The following OSBPL1A variants were observed in gnomAD, a reference collection of about 807,000 sequenced individuals.
The protein encoded by OSBPL1A is oxysterol binding protein like 1A.
Under a neutral mutation model 137.1 loss-of-function variants are expected in OSBPL1A, and 80 were observed. The ratio of observed to expected loss-of-function variants is 0.58; its 90% confidence interval spans 0.49 to 0.70. The LOEUF is 0.70. OSBPL1A is among the 30% of genes least tolerant of loss of function. The pLI is 0.00. For missense variants in OSBPL1A, 970 were observed against 1,129.4 expected, an observed-to-expected ratio of 0.86 and a Z score of 2.02; for synonymous variants, 365 against 389.7, an observed-to-expected ratio of 0.94 and a Z score of 0.75.
intron 2 of OSBPL1A, among the ~76,000 whole-genome samples, chr18:24,376,705 C>T (rs113077109): frequency 0.045 from 6,856 of 152,344 alleles, 198 homozygotes; most frequent in African/African-American, 0.066. Flanking sequence ...TGGCCGACTG[C>T]AGGTCCTGAG....
intron 13 of OSBPL1A, among the ~76,000 whole-genome samples, chr18:24,307,092 CAA>C (rs373469036): frequency 1.2e-3 from 152 of 131,878 alleles, no homozygotes; most frequent in African/African-American, 3.1e-3. Flanking sequence ...CTAATCTCTA[CAA>C]AAAAAAAAAA....
chr18:24,288,819 AT>A (rs1301851253), intron 14 of OSBPL1A, among the ~76,000 whole-genome samples: 3 of 151,884 alleles, frequency 2.0e-5, no homozygotes, highest in African/African-American at 7.3e-5. Context: ...AGTTGTGGTA[AT>A]CAATGGGAAA....
Position 24,312,017 on chromosome 18 carries a change from C to T in OSBPL1A, c.1059G>A (p.Thr353=), listed in dbSNP as rs1359006482. ...ATTTCTTCAGGTCTGCAGCAGAAAC[C>T]GTATCTTCCTCCTCCTCATCAGTCA... The part of the protein sequence containing the change: ...DQLTDEEEED[T]VSAADLKKSL... Residue 353 remains threonine, a synonymous_variant, in exon 13 of 28, where the codon ACG becomes ACA. Transcript: ENST00000319481. The T allele has an allele frequency of 1.7e-5, 27 of 1,613,956 alleles. No homozygotes were observed. The highest frequency in any genetic ancestry group is 2.0e-5 in the Non-Finnish European group (24 of 1,179,974).
chr18:24,371,171 G>A (rs1270717588), intron 2 of OSBPL1A, among the ~76,000 whole-genome samples: 3 of 152,032 alleles, frequency 2.0e-5, no homozygotes, highest in Non-Finnish European at 2.9e-5. Context: ...CACCCAGGTC[G>A]CTAACCAACG....
At chr18:24,282,899 A>AG in intron 14 of OSBPL1A, among the ~76,000 whole-genome samples, 1 of 152,156 alleles carries the variant, frequency 6.6e-6, no homozygotes, top group African/African-American at 2.4e-5. Flanking sequence ...ACTTGAGGCC[A>AG]GGAGTTCAAG....
chr18:24,217,258 CT>C (rs562612104), intron 17 of OSBPL1A, among the ~76,000 whole-genome samples: 2,436 of 131,440 alleles, frequency 0.019, 35 homozygotes, highest in African/African-American at 0.055. Flanking sequence ...AAGTTTTGCT[CT>C]TTTTTTTTTT....
intron 2 of OSBPL1A, among the ~76,000 whole-genome samples, chr18:24,369,615 C>T (rs903691509): frequency 6.6e-6 from 1 of 152,188 alleles, no homozygotes; most frequent in African/African-American, 2.4e-5. Flanking sequence ...CAGCCAACAA[C>T]CTCAGCACAC....
At chr18:24,225,256 C>T in intron 16 of OSBPL1A, 58 bp from the exon 17 acceptor site, 1 of 1,580,196 alleles carries the variant, frequency 6.3e-7, no homozygotes, top group Non-Finnish European at 8.7e-7. Flanking sequence ...GCTTCCGTAA[C>T]AATGGATCCC....
intron 14 of OSBPL1A, among the ~76,000 whole-genome samples, chr18:24,289,352 A>G (rs955582630): frequency 6.6e-6 from 1 of 151,626 alleles, no homozygotes. Context: ...CTATTCCTAG[A>G]TCAAATGTTC....
At chr18:24,284,223 T>TA (rs1555644681) in intron 14 of OSBPL1A, among the ~76,000 whole-genome samples, 20 of 78,656 alleles carry the variant, frequency 2.5e-4, no homozygotes, top group Admixed American at 1.2e-3. Context: ...TAATGTTACA[T>TA]AAAAAAAAAA....
intron 17 of OSBPL1A, among the ~76,000 whole-genome samples, chr18:24,205,601 A>T (rs1315735847): frequency 1.3e-5 from 2 of 152,196 alleles, no homozygotes; most frequent in East Asian, 3.8e-4. Flanking sequence ...GAAAACCTTC[A>T]ACATGAAGTA....
chr18:24,183,503 G>C (rs538634881), intron 18 of OSBPL1A, among the ~76,000 whole-genome samples: 47 of 151,526 alleles, frequency 3.1e-4, no homozygotes, highest in African/African-American at 1.0e-3. Flanking sequence ...CGCGATCTCG[G>C]CTCACTGAAA....
intron 13 of OSBPL1A, chr18:24,311,532 T>TG (rs1206937593): frequency 1.0e-6 from 1 of 988,038 alleles, no homozygotes; most frequent in African/African-American, 1.7e-5. Context: ...TGCTTTACCT[T>TG]ATCTCTTAGC....
chr18:24,165,981 C>A (rs908096601), intron 26 of OSBPL1A, among the ~76,000 whole-genome samples: 2 of 152,104 alleles, frequency 1.3e-5, no homozygotes, highest in Non-Finnish European at 2.9e-5. Flanking sequence ...CCTGTAGTCC[C>A]AGTTACTCAG....
intron 17 of OSBPL1A, among the ~76,000 whole-genome samples, chr18:24,199,690 C>T (rs1324871659): frequency 6.6e-6 from 1 of 152,176 alleles, no homozygotes; most frequent in African/African-American, 2.4e-5. Context: ...GAGAGAAGGA[C>T]TATTACTGCA....
intron 1 of OSBPL1A, among the ~76,000 whole-genome samples, chr18:24,378,924 A>G (rs931628741): frequency 2.0e-5 from 3 of 152,314 alleles, no homozygotes; most frequent in African/African-American, 4.8e-5. Flanking sequence ...TCAGTTTTCA[A>G]TCAACTTTCT....
chr18:24,294,406 A>AT (rs1360426337), intron 14 of OSBPL1A, among the ~76,000 whole-genome samples: 2 of 151,620 alleles, frequency 1.3e-5, no homozygotes, highest in Admixed American at 1.3e-4. Context: ...TAATTTTTGT[A>AT]TTTTTTTAGT....
chr18:24,229,745 T>C (rs74792189), intron 16 of OSBPL1A, among the ~76,000 whole-genome samples: 3 of 143,730 alleles, frequency 2.1e-5, no homozygotes, highest in Non-Finnish European at 4.6e-5. Context: ...TAAATCAATC[T>C]TTTTTTTTTT....
chr18:24,266,571 G>A (rs1197968295), intron 15 of OSBPL1A, among the ~76,000 whole-genome samples: 1 of 152,128 alleles, frequency 6.6e-6, no homozygotes, highest in Non-Finnish European at 1.5e-5. Context: ...CAGTAGGTGA[G>A]CAAAAGAAAC....
Sources: gnomAD v4.1 joint callset for allele counts (sites outside exome capture counted in the v4.1 genomes callset) on GRCh38, gnomAD v4.1.1 for gene constraint, MANE v1.5 for transcripts, NCBI Gene and HGNC (gene_info 2026-07-23, HGNC 2026-07-21) for gene names.